Variants in TEC observed in about 807,000 individuals in gnomAD.
The protein encoded by TEC is tyrosine-protein kinase Tec.
A neutral mutation model predicts 93.0 loss-of-function variants in TEC; 72 were observed. That is an observed-to-expected ratio of 0.77 (90% CI 0.64 to 0.94). The LOEUF (loss-of-function observed/expected upper bound fraction) is 0.94. TEC is among the 40% of genes least tolerant of loss of function. The pLI, the probability that TEC is intolerant of heterozygous loss-of-function variation, is 0.00. For missense variants in TEC, 630 were observed against 757.9 expected, an observed-to-expected ratio of 0.83 and a Z score of 1.98; for synonymous variants, 249 against 247.7, an observed-to-expected ratio of 1.01 and a Z score of -0.05.
intron 1 of TEC, among the ~76,000 whole-genome samples, chr4:48,268,638 A>G (rs747749473): frequency 5.3e-5 from 8 of 152,208 alleles, no homozygotes; most frequent in Admixed American, 2.0e-4. Flanking sequence ...TTAAATCCCA[A>G]ACTTTATTTG....
chr4:48,161,432 TCTC>T (rs919329775), intron 8 of TEC, among the ~76,000 whole-genome samples: 2 of 151,910 alleles, frequency 1.3e-5, no homozygotes, highest in African/African-American at 4.8e-5. Flanking sequence ...TCTCCGATCT[TCTC>T]CTCCCTACAC....
rs559166308 is a variant in TEC at position 48,236,321 on chromosome 4, G to A, written c.-45-7662C>T. Among the ~76,000 whole-genome samples the A allele has an allele frequency of 1.2e-4, 18 of 150,912 alleles. No homozygotes were observed. In the South Asian group the frequency reaches 3.8e-3, roughly 32 times the overall value. The stretch of plus-strand genomic sequence containing the variant: ...TTTTGAGACGGAGTCTCGCTCTGTC[G>A]CCCAGACTGGAGTGCAGTGGCGCAA... On this transcript the variant is annotated intron_variant, in intron 1 of 17. Transcript: ENST00000381501.
chr4:48,228,080 T>G (rs1723534240), intron 2 of TEC, among the ~76,000 whole-genome samples: 1 of 152,156 alleles, frequency 6.6e-6, no homozygotes, highest in Non-Finnish European at 1.5e-5. Flanking sequence ...GTCCACCAAA[T>G]CACCAACCAG....
At chr4:48,184,027 T>C (rs1721702092) in intron 2 of TEC, among the ~76,000 whole-genome samples, 1 of 152,206 alleles carries the variant, frequency 6.6e-6, no homozygotes, top group East Asian at 1.9e-4. Flanking sequence ...TGAATAGTTA[T>C]GGACTTTTAT....
chr4:48,229,249 C>T (rs1288955027), intron 1 of TEC, among the ~76,000 whole-genome samples: 9 of 152,228 alleles, frequency 5.9e-5, no homozygotes, highest in African/African-American at 1.9e-4. Flanking sequence ...TGGCTCCTGT[C>T]TCCACCACAA....
rs1719421681 is a variant in TEC at position 48,136,430 on chromosome 4, G to A, written c.*986C>T. ...ATGTGAGGTGGGGGCAAACTTTGTT[G>A]CGAAGGTCACCTGATCCTTCTGCCC... On this transcript the variant is annotated 3_prime_UTR_variant, in exon 18 of 18. Coordinates refer to ENST00000381501, the MANE Select transcript of TEC (RefSeq NM_003215.3). 6.6e-6 allele frequency: 1 copy of A among 152,244 alleles called. No individual in the cohort carries two copies. Among genetic ancestry groups the A allele is most frequent in the Non-Finnish European group, 1.5e-5 (1 of 68,084 alleles). The allele number at this position is 152,244 out of a possible 1,614,324, so 9.4% of individuals were successfully genotyped here. A position where few individuals can be genotyped will look rare whatever the true frequency, so the allele number is the denominator to read the frequency against.
intron 1 of TEC, among the ~76,000 whole-genome samples, chr4:48,240,810 A>G (rs1385408361): frequency 6.6e-6 from 1 of 151,846 alleles, no homozygotes; most frequent in Non-Finnish European, 1.5e-5. Flanking sequence ...GGTCGGCATC[A>G]TAACTGGAAC....
At position 48,156,672 on chromosome 4, in the gene TEC, A is replaced by G. The variant is rs750848893; in HGVS notation, c.792+8T>C. 2 of 1,608,114 alleles carry G rather than the reference A, an allele frequency of 1.2e-6. No homozygotes were observed. Among genetic ancestry groups the G allele is most frequent in the Non-Finnish European group, 1.7e-6 (2 of 1,178,424 alleles). ...CCTTAAGCCAAACCCACAAGTACAA[A>G]CACTTACTTCACTGCGGAGGAGTTG... On this transcript the variant is annotated splice_region_variant and intron_variant, in intron 9 of 17. Coordinates refer to ENST00000381501, the MANE Select transcript of TEC (RefSeq NM_003215.3).
chr4:48,164,399 C>T (rs2109537413), intron 7 of TEC, among the ~76,000 whole-genome samples: 1 of 152,260 alleles, frequency 6.6e-6, no homozygotes, highest in South Asian at 2.1e-4. Flanking sequence ...CCCCAAATGA[C>T]TTTCACACAC....
intron 2 of TEC, among the ~76,000 whole-genome samples, chr4:48,177,355 A>G (rs1721371924): frequency 6.6e-6 from 1 of 152,242 alleles, no homozygotes; most frequent in Non-Finnish European, 1.5e-5. Context: ...TATGACAAAG[A>G]ATAGAAGAAA....
At chr4:48,144,943 AT>A (rs2109507881) in intron 14 of TEC, 135 bp downstream of exon 14, 1 of 747,426 alleles carries the variant, frequency 1.3e-6, no homozygotes, top group East Asian at 2.6e-5. Flanking sequence ...GGCAAGTTAA[AT>A]TTACCAACTT....
chr4:48,201,796 G>A (rs568485633), intron 2 of TEC, among the ~76,000 whole-genome samples: 1 of 152,236 alleles, frequency 6.6e-6, no homozygotes, highest in South Asian at 2.1e-4. Context: ...GCTGGGGAAA[G>A]ACTGTGGAGG....
Position 48,216,939 on chromosome 4 carries a change from A to G in TEC, c.138+11538T>C, listed in dbSNP as rs181446576. Reference sequence around the variant, plus strand: ...GATCTAGAATATGTCTATTGTTTCTACTCTTAAGTTGCAGGAGGACCAAAC... The same window carrying G: ...GATCTAGAATATGTCTATTGTTTCTGCTCTTAAGTTGCAGGAGGACCAAAC... On this transcript the variant is annotated intron_variant, in intron 2 of 17. Coordinates refer to ENST00000381501, the MANE Select transcript of TEC (RefSeq NM_003215.3). 5.6e-4 allele frequency among the ~76,000 whole-genome samples: 86 copies of G among 152,252 alleles called. 1 individual carries two copies. Among genetic ancestry groups the G allele is most frequent in the African/African-American group, 2.0e-3 (82 of 41,542 alleles).
intron 1 of TEC, among the ~76,000 whole-genome samples, chr4:48,231,586 C>A (rs7659013): frequency 0.16 from 24,190 of 152,044 alleles, 2,139 homozygotes; most frequent in Non-Finnish European, 0.2. Context: ...GAAACCCCGT[C>A]TCTACTAAAA....
intron 8 of TEC, among the ~76,000 whole-genome samples, chr4:48,163,085 CATAA>C (rs1215919319): frequency 6.6e-6 from 1 of 151,956 alleles, no homozygotes; most frequent in African/African-American, 2.4e-5. Context: ...GAAATGATTA[CATAA>C]ATTATTGGAC....
chr4:48,210,636 A>G (rs1236486775), intron 2 of TEC, among the ~76,000 whole-genome samples: 4 of 152,194 alleles, frequency 2.6e-5, no homozygotes, highest in Non-Finnish European at 5.9e-5. Context: ...CATCCAGAGA[A>G]AAACATCCAC....
At chr4:48,201,409 T>C (rs980626892) in intron 2 of TEC, among the ~76,000 whole-genome samples, 7 of 152,022 alleles carry the variant, frequency 4.6e-5, no homozygotes, top group Non-Finnish European at 2.9e-5. Flanking sequence ...CTGGAACGGA[T>C]GATGTCTTCT....
chr4:48,257,850 T>C (rs1724387037), intron 1 of TEC, among the ~76,000 whole-genome samples: 1 of 152,312 alleles, frequency 6.6e-6, no homozygotes, highest in Admixed American at 6.5e-5. Flanking sequence ...TCCTCAATCT[T>C]CTATACCATT....
intron 2 of TEC, among the ~76,000 whole-genome samples, chr4:48,221,541 G>C (rs901670590): frequency 3.9e-5 from 6 of 152,088 alleles, no homozygotes; most frequent in African/African-American, 1.4e-4. Flanking sequence ...CCCAGTCTTG[G>C]GTACGTCTTT....
Sources: allele counts gnomAD v4.1 joint callset (sites outside exome capture counted in the v4.1 genomes callset), GRCh38; gene constraint gnomAD v4.1.1; transcripts MANE v1.5; gene names NCBI Gene and HGNC (gene_info 2026-07-23, HGNC 2026-07-21).